Variants in LGR5 observed in about 807,000 individuals in gnomAD.
LGR5 encodes the protein leucine rich repeat containing G protein-coupled receptor 5, also known as leucine-rich repeat-containing G protein-coupled receptor 5.
A neutral mutation model predicts 76.7 loss-of-function variants in LGR5; 54 were observed. The observed-to-expected ratio is 0.70, with a 90% CI of 0.57 to 0.88. LGR5 has a LOEUF of 0.88. LGR5 is among the 40% of genes least tolerant of loss of function. The probability of loss-of-function intolerance (pLI) is 0.00; values close to 1 mark genes in which losing one functional copy is unlikely to be tolerated. For missense variants in LGR5, 1,078 were observed against 1,073.3 expected, an observed-to-expected ratio of 1.00 and a Z score of -0.06; for synonymous variants, 406 against 421.9, an observed-to-expected ratio of 0.96 and a Z score of 0.46.
upstream of LGR5, among the ~76,000 whole-genome samples, chr12:71,439,443 A>T (rs1871633358): frequency 6.6e-6 from 1 of 152,112 alleles, no homozygotes; most frequent in South Asian, 2.1e-4. Context: ...CGCATCCTCC[A>T]GTCCTTGTGC....
At chr12:71,514,003 T>C (rs1875300847) in intron 2 of LGR5, among the ~76,000 whole-genome samples, 1 of 152,166 alleles carries the variant, frequency 6.6e-6, no homozygotes, top group Admixed American at 6.5e-5. Flanking sequence ...CCAAATGAGC[T>C]AGGCAGAGTG....
chr12:71,582,700 C>A, intron 17 of LGR5, 161 bp downstream of exon 17: 1 of 569,976 alleles, frequency 1.8e-6, no homozygotes, highest in African/African-American at 1.9e-5. Context: ...TGTTCATTCC[C>A]TGGAGTTGTT....
rs1038978727 is a variant in LGR5, at chr12:71,550,635, T to G, written c.429-2438T>G. On this transcript the variant is annotated intron_variant, in intron 4 of 17. Transcript: ENST00000266674. Reference sequence around the variant, plus strand: ...ATCACCACACCCAGCTAATTTTTTTTGTATTTTTTATAGAAATGGGGTTTC... The same window carrying G: ...ATCACCACACCCAGCTAATTTTTTTGGTATTTTTTATAGAAATGGGGTTTC... Among the ~76,000 whole-genome samples the G allele has an allele frequency of 2.0e-5, 3 of 151,996 alleles. No individual in the cohort carries two copies. The East Asian group carries it at 5.8e-4, about 29-fold the overall frequency.
At chr12:71,489,111 A>G (rs556966485) in intron 1 of LGR5, among the ~76,000 whole-genome samples, 6 of 152,190 alleles carry the variant, frequency 3.9e-5, no homozygotes, top group Non-Finnish European at 7.3e-5. Context: ...AATGAAATCC[A>G]TTTGTAGATG....
rs778727435 is a variant in LGR5 at position 71,583,960 on chromosome 12, A to G, written c.1950A>G (p.Ser650=). ...TTTTGTCCATTTTTGCTTCAGAATCATCTGTTTTCCTGCTTACTCTGGCAG... is the reference window on the plus strand; with the variant it reads ...TTTTGTCCATTTTTGCTTCAGAATCGTCTGTTTTCCTGCTTACTCTGGCAG... The part of the protein sequence containing the change: ...IGFLSIFASE[S]SVFLLTLAAL... The change falls in exon 18 of 18, where the codon TCA becomes TCG. Residue 650 remains serine, a synonymous_variant. Transcript: ENST00000266674. The G allele has an allele frequency of 9.3e-6, 15 of 1,613,904 alleles. No individual in the cohort carries two copies. Among genetic ancestry groups the G allele is most frequent in the Middle Eastern group, 1.6e-4 (1 of 6,084 alleles).
At chr12:71,508,752 CAA>C (rs35401076) in intron 2 of LGR5, among the ~76,000 whole-genome samples, 13 of 28,132 alleles carry the variant, frequency 4.6e-4, no homozygotes, top group African/African-American at 7.5e-4. Flanking sequence ...GACTCAGTCT[CAA>C]AAAAAAAAAA....
At chr12:71,555,543 A>C (rs1429837771) in intron 5 of LGR5, among the ~76,000 whole-genome samples, 1 of 152,164 alleles carries the variant, frequency 6.6e-6, no homozygotes, top group East Asian at 1.9e-4. Context: ...CTGTGACTGA[A>C]ATCATTGTTT....
chr12:71,473,978 G>T (rs1408419942), intron 1 of LGR5, among the ~76,000 whole-genome samples: 4 of 152,174 alleles, frequency 2.6e-5, no homozygotes, highest in African/African-American at 9.6e-5. Context: ...GATGCTGAGT[G>T]TCGAATATTA....
Position 71,553,206 on chromosome 12 carries a change from T to C in LGR5, c.562T>C (p.Leu188=), listed in dbSNP as rs770055655. Residue 188 remains leucine, a synonymous_variant, in exon 5 of 18, where the codon TTG becomes CTG. Coordinates refer to ENST00000266674, the MANE Select transcript of LGR5 (RefSeq NM_003667.4). The part of the protein sequence containing the change: ...PVQAFRSLSA[L]QAMTLALNKI... ...CCAGGCTTTTAGAAGTTTATCGGCA[T>C]TGCAAGCCATGACCTTGGCCCTGAA... 1.2e-6 allele frequency: 2 copies of C among 1,613,922 alleles called. No individual in the cohort carries two copies. Among genetic ancestry groups the C allele is most frequent in the Non-Finnish European group, 1.7e-6 (2 of 1,180,016 alleles).
chr12:71,583,983 C>T lies in LGR5; in HGVS notation c.1973C>T (p.Ala658Val). 1 of 1,614,190 alleles carries T rather than the reference C, an allele frequency of 6.2e-7. No homozygotes were observed. Among genetic ancestry groups the T allele is most frequent in the African/African-American group, 1.3e-5 (1 of 75,048 alleles). ...SESSVFLLTL[A>V]ALERGFSVKY... ...TCATCTGTTTTCCTGCTTACTCTGG[C>T]AGCCCTGGAGCGTGGGTTCTCTGTG... is the stretch of plus-strand genomic sequence containing the variant. Residue 658 changes from alanine (A) to valine (V), a missense_variant, in exon 18 of 18, where the codon GCA becomes GTA. Physicochemically the swap from Ala to Val is moderately conservative, Grantham distance 64. Transcript: ENST00000266674.
Position 71,578,743 on chromosome 12 carries a change from T to A in LGR5, c.1281-61T>A, listed in dbSNP as rs1331478545. On this transcript the variant is annotated intron_variant, in intron 14 of 17. Transcript: ENST00000266674. ...AACGATCTTTAGGTTGTTGTTTTTTTTAACATAAACGTTTTATGCTAACAT... is the reference window on the plus strand; with the variant it reads ...AACGATCTTTAGGTTGTTGTTTTTTATAACATAAACGTTTTATGCTAACAT... The A allele has an allele frequency of 6.8e-6, 10 of 1,475,284 alleles. No homozygotes were observed. The Admixed American group carries it at 2.4e-4, about 35-fold the overall frequency. The allele number at this position is 1,475,284 out of a possible 1,614,324, so 91.4% of individuals were successfully genotyped here. A position where few individuals can be genotyped will look rare whatever the true frequency, so the allele number is the denominator to read the frequency against.
chr12:71,566,713 T>G lies in LGR5; in HGVS notation c.998+13T>G. ...ACCTGGAGAGTCTGTAAGTACTGAG[T>G]AGACTCTTGACTTTGCCCAGAACAT... On this transcript the variant is annotated intron_variant, in intron 10 of 17. Coordinates refer to ENST00000266674, the MANE Select transcript of LGR5 (RefSeq NM_003667.4). 1 of 1,606,714 alleles carries G rather than the reference T, an allele frequency of 6.2e-7. No homozygotes were observed. Among genetic ancestry groups the G allele is most frequent in the Non-Finnish European group, 8.5e-7 (1 of 1,173,318 alleles).
In LGR5 at chr12:71,582,949, G is replaced by GAAGGAAGGAAGGAAGA. The variant is rs1879154213; in HGVS notation, c.1636+426_1636+441dup. Among the ~76,000 whole-genome samples the GAAGGAAGGAAGGAAGA allele has an allele frequency of 2.8e-5, 4 of 141,972 alleles. No individual in the cohort carries two copies. The Admixed American group carries it at 2.9e-4, about 10-fold the overall frequency. 93.1% of individuals were successfully genotyped at this position (141,972 alleles called of 152,430 possible). A position where few individuals can be genotyped will look rare whatever the true frequency, so the allele number is the denominator to read the frequency against. On this transcript the variant is annotated intron_variant, in intron 17 of 17. Coordinates refer to ENST00000266674, the MANE Select transcript of LGR5 (RefSeq NM_003667.4). The stretch of plus-strand genomic sequence containing the variant: ...AATAGTTTGTACAGATAAGAGGAAG[G>GAAGGAAGGAAGGAAGA]AAGGAAGGAAGGAAGAAAGGAAGGA...
intron 1 of LGR5, among the ~76,000 whole-genome samples, chr12:71,464,848 G>A (rs1872802043): frequency 6.6e-6 from 1 of 152,156 alleles, no homozygotes; most frequent in Non-Finnish European, 1.5e-5. Flanking sequence ...TTCCTGGGAA[G>A]CAGACTTGGG....
chr12:71,497,602 A>C (rs1014099391), intron 1 of LGR5, among the ~76,000 whole-genome samples: 2 of 152,234 alleles, frequency 1.3e-5, no homozygotes, highest in African/African-American at 4.8e-5. Flanking sequence ...TGAGATTCAC[A>C]AGAAGTATAT....
At chr12:71,447,902 A>G (rs911379376) in intron 1 of LGR5, among the ~76,000 whole-genome samples, 10 of 152,056 alleles carry the variant, frequency 6.6e-5, no homozygotes, top group African/African-American at 2.2e-4. Context: ...CATGGAGCTG[A>G]CCTCCCTCCT....
chr12:71,482,588 T>C (rs1167955735), intron 1 of LGR5, among the ~76,000 whole-genome samples: 1 of 152,122 alleles, frequency 6.6e-6, no homozygotes, highest in Non-Finnish European at 1.5e-5. Context: ...CATACAAATT[T>C]TGAGGGAACA....
chr12:71,523,531 T>C (rs1555171665), intron 2 of LGR5, among the ~76,000 whole-genome samples: 1 of 152,178 alleles, frequency 6.6e-6, no homozygotes, highest in Non-Finnish European at 1.5e-5. Flanking sequence ...GAGTCCCAGT[T>C]CTACTCACCA....
At chr12:71,491,815 C>T (rs542476826) in intron 1 of LGR5, among the ~76,000 whole-genome samples, 161 of 146,706 alleles carry the variant, frequency 1.1e-3, no homozygotes, top group African/African-American at 3.9e-3. Flanking sequence ...CAGCTGTAGG[C>T]ACACTAGATA....
Sources: allele counts gnomAD v4.1 joint callset (sites outside exome capture counted in the v4.1 genomes callset), GRCh38; gene constraint gnomAD v4.1.1; transcripts MANE v1.5; gene names NCBI Gene and HGNC (gene_info 2026-07-23, HGNC 2026-07-21).